Variants in FRAS1 observed in about 807,000 individuals in gnomAD.
FRAS1 encodes the protein extracellular matrix organizing protein FRAS1.
Under a neutral mutation model 435.2 loss-of-function variants are expected in FRAS1, and 290 were observed. The ratio of observed to expected loss-of-function variants is 0.67; its 90% CI spans 0.61 to 0.73. The LOEUF (loss-of-function observed/expected upper bound fraction) is 0.73. FRAS1 is among the 30% of genes least tolerant of loss of function. The pLI, the probability that FRAS1 is intolerant of heterozygous loss-of-function variation, is 0.00. For synonymous variants in FRAS1, 1,800 were observed against 1,851.0 expected (o/e 0.97, Z 0.71); for missense variants, 4,860 against 5,001.5 (o/e 0.97, Z 0.85).
intron 16 of FRAS1, 80 bp downstream of exon 16, chr4:78,315,814 TTTGGGAAC>T: frequency 6.7e-7 from 1 of 1,497,236 alleles, no homozygotes; most frequent in Non-Finnish European, 9.2e-7. Flanking sequence ...ATGTTGCTAA[TTTGGGAAC>T]TCGAGTGTAT....
chr4:78,119,683 T>C (rs1485566821), intron 2 of FRAS1, among the ~76,000 whole-genome samples: 1 of 152,194 alleles, frequency 6.6e-6, no homozygotes, highest in Non-Finnish European at 1.5e-5. Flanking sequence ...CTTTACCTTA[T>C]AGTTTATTAG....
At chr4:78,255,433 C>T in intron 6 of FRAS1, 58 bp downstream of exon 6, 7 of 1,483,196 alleles carry the variant, frequency 4.7e-6, no homozygotes, top group East Asian at 2.4e-5. Flanking sequence ...CTTGGAGTCT[C>T]TTCTGAGATT....
chr4:78,392,645 C>T (rs1026334374), intron 29 of FRAS1, among the ~76,000 whole-genome samples: 1 of 151,934 alleles, frequency 6.6e-6, no homozygotes, highest in Non-Finnish European at 1.5e-5. Context: ...TAATTTAAAG[C>T]GCTGTTTTAA....
intron 32 of FRAS1, among the ~76,000 whole-genome samples, chr4:78,414,413 T>C (rs370701392): frequency 5.2e-4 from 79 of 152,348 alleles, no homozygotes; most frequent in African/African-American, 1.8e-3. Flanking sequence ...GGCGCTTAGG[T>C]TGCATACTTG....
chr4:78,188,088 G>A (rs754442409), intron 2 of FRAS1, among the ~76,000 whole-genome samples: 1 of 152,138 alleles, frequency 6.6e-6, no homozygotes, highest in African/African-American at 2.4e-5. Context: ...TCTGAGTGGG[G>A]TCTTGGTCAC....
Position 78,245,325 on chromosome 4 carries a change from GGTAA to G in FRAS1, c.309+3_309+6del, listed in dbSNP as rs1221996131. 36 of 1,590,364 alleles carry G rather than the reference GGTAA, an allele frequency of 2.3e-5. No homozygotes were observed. The highest frequency in any genetic ancestry group is 2.7e-5 in the Non-Finnish European group (31 of 1,164,168). ...GCCATCATGAAAAGAAAATCCATGA[GGTAA>G]GTGTTTTCTGACTCACGGTTGATTC... is the stretch of plus-strand genomic sequence containing the variant. On this transcript the variant is annotated splice_donor_variant and splice_donor_region_variant and intron_variant, in intron 4 of 73. Coordinates refer to ENST00000512123, the MANE Select transcript of FRAS1 (RefSeq NM_025074.7). LOFTEE classifies it high-confidence loss of function.
chr4:78,438,484 G>C lies in FRAS1; in HGVS notation c.5218-86G>C, dbSNP rs17003218. 5.4e-3 allele frequency: 7,096 copies of C among 1,317,988 alleles called. 295 individuals carry two copies. In the African/African-American group the frequency reaches 0.09, roughly 17 times the overall value. The allele number at this position is 1,317,988 out of a possible 1,614,324, so 81.6% of individuals were successfully genotyped here. ...AAGAGACTTTTCCAATTAGCAGAGA[G>C]AGAAGCACCCATAGATCTTTAGCTA... On this transcript the variant is annotated intron_variant, in intron 38 of 73. Coordinates refer to ENST00000512123, the MANE Select transcript of FRAS1 (RefSeq NM_025074.7).
intron 14 of FRAS1, among the ~76,000 whole-genome samples, chr4:78,307,660 A>G (rs1289159858): frequency 6.6e-6 from 1 of 152,132 alleles, no homozygotes; most frequent in Non-Finnish European, 1.5e-5. Context: ...AGGAAGGGGA[A>G]CTCCCTGACC....
At chr4:78,215,246 A>C (rs1370112278) in intron 2 of FRAS1, among the ~76,000 whole-genome samples, 4 of 151,952 alleles carry the variant, frequency 2.6e-5, no homozygotes, top group Non-Finnish European at 5.9e-5. Context: ...GCCAGGCTGG[A>C]GTGCAATGGT....
intron 2 of FRAS1, among the ~76,000 whole-genome samples, chr4:78,220,484 A>C (rs886280661): frequency 2.0e-5 from 3 of 152,200 alleles, no homozygotes; most frequent in Non-Finnish European, 2.9e-5. Context: ...CAAATGGCCC[A>C]CAATGTCGAG....
In FRAS1 at chr4:78,370,114, A is replaced by T. The variant is rs563489996; in HGVS notation, c.2869+130A>T. 34 of 775,850 alleles carry T rather than the reference A, an allele frequency of 4.4e-5. 1 individual carries two copies. Among genetic ancestry groups the T allele is most frequent in the Middle Eastern group, 3.4e-4 (1 of 2,970 alleles). The allele number at this position is 775,850 out of a possible 1,614,324, so 48.1% of individuals were successfully genotyped here. ...TTGACTGTCTCTGATGATAGCAACA[A>T]TTGTGTGTGTATGTATATATTCATT... On this transcript the variant is annotated intron_variant, in intron 23 of 73. Transcript: ENST00000512123.
intron 14 of FRAS1, among the ~76,000 whole-genome samples, chr4:78,307,068 A>T (rs931983086): frequency 4.5e-4 from 68 of 152,088 alleles, no homozygotes; most frequent in Non-Finnish European, 6.5e-4. Flanking sequence ...TCTGTTTGTT[A>T]GTTTTCCTTC....
intron 9 of FRAS1, among the ~76,000 whole-genome samples, chr4:78,272,102 A>T (rs1484483049): frequency 1.3e-5 from 2 of 152,214 alleles, no homozygotes; most frequent in Admixed American, 1.3e-4. Context: ...TGTTGGCTGC[A>T]TAAATGTCTT....
chr4:78,166,847 C>T (rs1001039152), intron 2 of FRAS1, among the ~76,000 whole-genome samples: 1 of 152,130 alleles, frequency 6.6e-6, no homozygotes, highest in Non-Finnish European at 1.5e-5. Context: ...ACCCCTAGTA[C>T]ATGCTCCTCT....
In FRAS1 at chr4:78,441,217, A is replaced by G. The variant is rs1734645816; in HGVS notation, c.5585A>G (p.Asp1862Gly). Reference sequence around the variant, plus strand: ...TTTCACCATTTTTTTGCTACTGATGATGATGACAACCTCCAGAGAGATGCC... The same window carrying G: ...TTTCACCATTTTTTTGCTACTGATGGTGATGACAACCTCCAGAGAGATGCC... ...LSFHHFFATD[D>G]DDNLQRDAII... Residue 1862 changes from aspartate to glycine, a missense_variant, in exon 41 of 74, where the codon GAT becomes GGT. Coordinates refer to ENST00000512123, the MANE Select transcript of FRAS1 (RefSeq NM_025074.7). 1 of 1,613,780 alleles carries G rather than the reference A, an allele frequency of 6.2e-7. No homozygotes were observed. The highest frequency in any genetic ancestry group is 8.5e-7 in the Non-Finnish European group (1 of 1,179,770).
intron 71 of FRAS1, among the ~76,000 whole-genome samples, chr4:78,535,379 C>T (rs28514647): frequency 0.43 from 65,937 of 151,980 alleles, 15,009 homozygotes; most frequent in East Asian, 0.79. Context: ...CTCTCCGAGC[C>T]TCATTTCTAT....
At chr4:78,190,171 C>G (rs1350703904) in intron 2 of FRAS1, among the ~76,000 whole-genome samples, 1 of 152,244 alleles carries the variant, frequency 6.6e-6, no homozygotes, top group African/African-American at 2.4e-5. Flanking sequence ...CTGCCTCCCC[C>G]TCAGACCTCA....
chr4:78,311,911 T>A (rs576464113), intron 15 of FRAS1, among the ~76,000 whole-genome samples: 1 of 152,286 alleles, frequency 6.6e-6, no homozygotes, highest in African/African-American at 2.4e-5. Context: ...TGCCTCCTTT[T>A]ATGGAGTTCA....
At chr4:78,102,934 T>C (rs2109922389) in intron 2 of FRAS1, among the ~76,000 whole-genome samples, 1 of 152,338 alleles carries the variant, frequency 6.6e-6, no homozygotes, top group South Asian at 2.1e-4. Flanking sequence ...GGGGTGTATA[T>C]GGCTTCCCCT....
Sources: allele counts gnomAD v4.1 joint callset (sites outside exome capture counted in the v4.1 genomes callset), GRCh38; gene constraint gnomAD v4.1.1; transcripts MANE v1.5; gene names NCBI Gene and HGNC (gene_info 2026-07-23, HGNC 2026-07-21).